The following ARID2 variants were observed in gnomAD, a reference collection of about 807,000 sequenced individuals.
ARID2 encodes AT-rich interaction domain 2.
Under a neutral mutation model 184.6 loss-of-function variants are expected in ARID2, and 32 were observed. That is an observed-to-expected ratio of 0.17 (90% CI 0.13 to 0.23). ARID2 has a LOEUF of 0.23. Among genes scored for constraint, ARID2 ranks in the 10% least tolerant of loss-of-function variants. ARID2 has a pLI of 1.00. For synonymous variants in ARID2, 836 were observed against 772.6 expected (o/e 1.08, Z -1.36); for missense variants, 1,696 against 2,197.6 (o/e 0.77, Z 4.56).
intron 6 of ARID2, among the ~76,000 whole-genome samples, chr12:45,822,929 A>C (rs886525315): frequency 6.6e-6 from 1 of 152,212 alleles, no homozygotes. Flanking sequence ...GAAAATCAGT[A>C]AAGAAACATC....
chr12:45,856,318 C>T (rs768366219), intron 15 of ARID2, among the ~76,000 whole-genome samples: 9 of 150,212 alleles, frequency 6.0e-5, no homozygotes, highest in African/African-American at 1.2e-4. Context: ...CCGCCCACCT[C>T]GGCCTCCCAA....
At chr12:45,754,399 C>T (rs1592056171) in intron 3 of ARID2, among the ~76,000 whole-genome samples, 2 of 152,170 alleles carry the variant, frequency 1.3e-5, no homozygotes, top group East Asian at 3.8e-4. Flanking sequence ...TGTTTTAAAG[C>T]TTGGTTAATG....
Position 45,891,913 on chromosome 12 carries a change from T to C in ARID2, c.5056T>C (p.Leu1686=), listed in dbSNP as rs2138232659. The C allele has an allele frequency of 6.2e-7, 1 of 1,614,158 alleles. No individual in the cohort carries two copies. The highest frequency in any genetic ancestry group is 8.5e-7 in the Non-Finnish European group (1 of 1,180,014). Residue 1686 remains leucine, a synonymous_variant, in exon 17 of 21, where the codon TTG becomes CTG. Coordinates refer to ENST00000334344, the MANE Select transcript of ARID2 (RefSeq NM_152641.4). Reference sequence around the variant, plus strand: ...ACAGCGGTTTTCTTTTATTACCCACTTGCAGGTACACTTTTTAAATACTAT... The same window carrying C: ...ACAGCGGTTTTCTTTTATTACCCACCTGCAGGTACACTTTTTAAATACTAT... ...QRQRFSFITH[L]QDKHCSKDAL...
chr12:45,810,846 T>C (rs1381304576), intron 3 of ARID2, among the ~76,000 whole-genome samples: 1 of 152,234 alleles, frequency 6.6e-6, no homozygotes, highest in South Asian at 2.1e-4. Flanking sequence ...TCATCTGATA[T>C]TCCCTATTTT....
In ARID2 at chr12:45,905,288, A is replaced by G; in HGVS notation, c.*210A>G. On this transcript the variant is annotated 3_prime_UTR_variant, in exon 21 of 21. Transcript: ENST00000334344. ...AAAAATCTAAAAAGAAAAAGGAAAA[A>G]AAAAAAAGAACTGCTGTGGGATTGT... 1 of 449,014 alleles carries G rather than the reference A, an allele frequency of 2.2e-6. No individual in the cohort carries two copies. Among genetic ancestry groups the G allele is most frequent in the South Asian group, 4.4e-5 (1 of 22,582 alleles). The allele number at this position is 449,014 out of a possible 1,614,324, so 27.8% of individuals were successfully genotyped here. A position where few individuals can be genotyped will look rare whatever the true frequency, so the allele number is the denominator to read the frequency against.
At chr12:45,801,319 G>GA (rs377189116) in intron 3 of ARID2, among the ~76,000 whole-genome samples, 34,795 of 127,570 alleles carry the variant, frequency 0.27, 4,596 homozygotes, top group African/African-American at 0.39. Flanking sequence ...CTCAAAAAAA[G>GA]AAAAAAAAAA....
At chr12:45,832,471 G>C (rs1275542449) in intron 6 of ARID2, among the ~76,000 whole-genome samples, 2 of 151,472 alleles carry the variant, frequency 1.3e-5, no homozygotes, top group African/African-American at 4.8e-5. Flanking sequence ...TTCCCCTCTT[G>C]TTTTTTTTGT....
intron 3 of ARID2, among the ~76,000 whole-genome samples, chr12:45,740,818 A>G (rs1053884733): frequency 6.6e-6 from 1 of 152,172 alleles, no homozygotes. Context: ...TGAACTATAC[A>G]GGCCAAAAGT....
rs2138182203 is a variant in ARID2, at chr12:45,852,894, C to A, written c.4771C>A (p.Gln1591Lys). The change falls in exon 15 of 21, where the codon CAG becomes AAG. Residue 1591 changes from glutamine (Q) to lysine (K), a missense_variant and splice_region_variant. By Grantham distance (53) the Gln-to-Lys change is moderately conservative. This residue lies in a region of ARID2 where 111 missense variants were observed against 154.0 expected (regional missense o/e 0.72). Transcript: ENST00000334344. The stretch of plus-strand genomic sequence containing the variant: ...AACATATGTACAGAATGTGGTCCCG[C>A]AGGTAAGTTATTCCATGATCACATT... Reference protein sequence around the residue: ...PPTYVQNVVPQNTPMPPSPAV... With the variant: ...PPTYVQNVVPKNTPMPPSPAV... 1 of 1,563,610 alleles carries A rather than the reference C, an allele frequency of 6.4e-7. No homozygotes were observed. Among genetic ancestry groups the A allele is most frequent in the Admixed American group, 1.9e-5 (1 of 53,110 alleles).
At chr12:45,878,344 G>A (rs1217341626) in intron 16 of ARID2, among the ~76,000 whole-genome samples, 2 of 151,862 alleles carry the variant, frequency 1.3e-5, no homozygotes, top group South Asian at 2.1e-4. Flanking sequence ...TCTCTTTATG[G>A]TATTCCCACT....
chr12:45,863,839 TC>T (rs1943791157), intron 16 of ARID2, among the ~76,000 whole-genome samples: 1 of 126,752 alleles, frequency 7.9e-6, no homozygotes, highest in Non-Finnish European at 1.6e-5. Context: ...TTTTTCTTTT[TC>T]TTTCCCTTTT....
At chr12:45,889,914 G>A (rs1298006240) in intron 16 of ARID2, among the ~76,000 whole-genome samples, 2 of 152,140 alleles carry the variant, frequency 1.3e-5, no homozygotes, top group Non-Finnish European at 2.9e-5. Flanking sequence ...CTCCAGCCTG[G>A]GTGACAGAGC....
chr12:45,901,150 CTTAATTTTTTTTTT>C (rs373726557), intron 20 of ARID2, among the ~76,000 whole-genome samples: 1 of 97,510 alleles, frequency 1.0e-5, no homozygotes, highest in South Asian at 3.4e-4. Flanking sequence ...TGGAAATTTC[CTTAATTTTTTTTTT>C]TTTTTTTTTT....
In ARID2 at chr12:45,851,514, C is replaced by T. The variant is rs775722505; in HGVS notation, c.3391C>T (p.Pro1131Ser). The change falls in exon 15 of 21, where the codon CCA (proline) becomes TCA (serine). Residue 1131 changes from proline (P) to serine (S), a missense_variant. Physicochemically the swap from Pro to Ser is moderately conservative, Grantham distance 74. Around this residue, in one of 11 missense-constraint regions of ARID2, gnomAD observed 713 missense variants for 824.4 expected, o/e 0.86. Coordinates refer to ENST00000334344, the MANE Select transcript of ARID2 (RefSeq NM_152641.4). ...TGGGCAGCAAAATGTTCAGTTGGTCCCAAGTGCAATGCCACCCTCAGGGGG... is the reference window on the plus strand; with the variant it reads ...TGGGCAGCAAAATGTTCAGTTGGTCTCAAGTGCAATGCCACCCTCAGGGGG... ...LVGQQNVQLV[P>S]SAMPPSGGVQ... is the part of the protein sequence containing the mutation. 14 of 1,613,990 alleles carry T rather than the reference C, an allele frequency of 8.7e-6. No homozygotes were observed. The highest frequency in any genetic ancestry group is 4.4e-5 in the South Asian group (4 of 91,086).
chr12:45,752,736 T>C (rs1282705870), intron 3 of ARID2, among the ~76,000 whole-genome samples: 2 of 152,288 alleles, frequency 1.3e-5, no homozygotes, highest in Middle Eastern at 3.4e-3. Flanking sequence ...CAGTAAGCAG[T>C]CCTCCTGCCT....
At position 45,869,020 on chromosome 12, in the gene ARID2, C is replaced by CT. The variant is rs547261463; in HGVS notation, c.4922+8076dup. Among the ~76,000 whole-genome samples, 334 of 109,342 alleles carry CT rather than the reference C, an allele frequency of 3.1e-3. 1 individual carries two copies. The highest frequency in any genetic ancestry group is 4.7e-3 in the Non-Finnish European group (260 of 55,340). The allele number at this position is 109,342 out of a possible 152,430, so 71.7% of individuals were successfully genotyped here. A position where few individuals can be genotyped will look rare whatever the true frequency, so the allele number is the denominator to read the frequency against. Reference sequence around the variant, plus strand: ...CATGTTGGGATTTGGGTTGCAATTGCTTTTTGTTTTTTTTTTTGAGATGGA... The same window carrying CT: ...CATGTTGGGATTTGGGTTGCAATTGCTTTTTTGTTTTTTTTTTTGAGATGGA... On this transcript the variant is annotated intron_variant, in intron 16 of 20. Transcript: ENST00000334344.
At chr12:45,854,179 G>A (rs1038291723) in intron 15 of ARID2, among the ~76,000 whole-genome samples, 9 of 152,146 alleles carry the variant, frequency 5.9e-5, no homozygotes, top group Admixed American at 3.3e-4. Flanking sequence ...CCATTCCCCA[G>A]ATGGGACTGT....
At chr12:45,796,502 GTTTAT>G (rs1226311305) in intron 3 of ARID2, among the ~76,000 whole-genome samples, 8 of 151,622 alleles carry the variant, frequency 5.3e-5, no homozygotes, top group Non-Finnish European at 8.8e-5. Flanking sequence ...TGAATAACAT[GTTTAT>G]TTTATTTTAT....
At chr12:45,824,880 T>G (rs11183213) in intron 6 of ARID2, among the ~76,000 whole-genome samples, 1 of 149,660 alleles carries the variant, frequency 6.7e-6, no homozygotes, top group Admixed American at 6.7e-5. Context: ...TATATATATA[T>G]ATGTATATAT....
Sources: allele counts gnomAD v4.1 joint callset (sites outside exome capture counted in the v4.1 genomes callset), GRCh38; gene constraint gnomAD v4.1.1; regional missense constraint gnomAD v4.1.1; transcripts MANE v1.5; gene names NCBI Gene and HGNC (gene_info 2026-07-23, HGNC 2026-07-21).